The following LDLRAD4 variants were observed in gnomAD, a reference collection of about 807,000 sequenced individuals.
LDLRAD4 encodes the protein low density lipoprotein receptor class A domain containing 4, also known as low-density lipoprotein receptor class A domain-containing protein 4.
In LDLRAD4, 5 loss-of-function variants were observed where a neutral mutation model predicts 17.0. That is an observed-to-expected ratio of 0.29 (90% CI 0.15 to 0.62). LDLRAD4 has a LOEUF of 0.62. Among genes scored for constraint, LDLRAD4 ranks in the 20% least tolerant of loss-of-function variants. LDLRAD4 has a pLI of 0.84. For missense variants in LDLRAD4, 340 were observed against 424.7 expected (o/e 0.80, Z 1.75); for synonymous variants, 168 against 171.8 (o/e 0.98, Z 0.17).
At chr18:13,386,293 T>G (rs1239813226) in intron 1 of LDLRAD4, among the ~76,000 whole-genome samples, 3 of 152,218 alleles carry the variant, frequency 2.0e-5, no homozygotes, top group Non-Finnish European at 2.9e-5. Flanking sequence ...CTTCTGTCAT[T>G]CTTGTTAATA....
chr18:13,433,735 AC>A (rs2090484190), intron 2 of LDLRAD4, among the ~76,000 whole-genome samples: 1 of 152,120 alleles, frequency 6.6e-6, no homozygotes, highest in Admixed American at 6.5e-5. Flanking sequence ...TTCACAGAAA[AC>A]CTTAAGATAT....
intron 2 of LDLRAD4, among the ~76,000 whole-genome samples, chr18:13,396,241 CA>C (rs1429506172): frequency 6.6e-6 from 1 of 150,564 alleles, no homozygotes; most frequent in Non-Finnish European, 1.5e-5. Context: ...TTCCTAGGGG[CA>C]AAAAAAGAAT....
At chr18:13,509,845 C>A (rs1266006929) in intron 3 of LDLRAD4, among the ~76,000 whole-genome samples, 1 of 152,216 alleles carries the variant, frequency 6.6e-6, no homozygotes, top group East Asian at 1.9e-4. Flanking sequence ...CATTCAGCAG[C>A]CGTCAACATT....
intron 2 of LDLRAD4, among the ~76,000 whole-genome samples, chr18:13,405,602 ATTTTTTTT>A (rs540287028): frequency 7.4e-6 from 1 of 135,078 alleles, no homozygotes; most frequent in Non-Finnish European, 1.6e-5. Context: ...GGCTAATTAA[ATTTTTTTT>A]TTTTTTTTTT....
intron 4 of LDLRAD4, among the ~76,000 whole-genome samples, chr18:13,629,133 GTTGTTTTTAT>G (rs2041437896): frequency 1.3e-5 from 2 of 152,132 alleles, no homozygotes; most frequent in Non-Finnish European, 2.9e-5. Context: ...ACCTGACTGG[GTTGTTTTTAT>G]TTGTTTGTTT....
intron 1 of LDLRAD4, among the ~76,000 whole-genome samples, chr18:13,221,932 C>T (rs547693852): frequency 2.4e-4 from 36 of 152,298 alleles, no homozygotes; most frequent in African/African-American, 8.4e-4. Context: ...AAATGGTTGA[C>T]TTTTCTAGAA....
At chr18:13,610,864 A>G (rs1437962300) in intron 3 of LDLRAD4, among the ~76,000 whole-genome samples, 1 of 152,168 alleles carries the variant, frequency 6.6e-6, no homozygotes, top group Non-Finnish European at 1.5e-5. Context: ...GAAGTCAGGG[A>G]AAGTCTGGCA....
intron 2 of LDLRAD4, among the ~76,000 whole-genome samples, chr18:13,388,847 C>T (rs1179473945): frequency 6.6e-6 from 1 of 152,250 alleles, no homozygotes; most frequent in Admixed American, 6.5e-5. Flanking sequence ...TGCAGGCGAC[C>T]TCCTGAGGCA....
intron 3 of LDLRAD4, among the ~76,000 whole-genome samples, chr18:13,607,979 C>T (rs920725774): frequency 2.6e-5 from 4 of 152,104 alleles, no homozygotes; most frequent in Non-Finnish European, 4.4e-5. Context: ...GACTGCTGGG[C>T]CAAATGGTAT....
chr18:13,499,108 C>CT (rs2093557770), intron 3 of LDLRAD4, among the ~76,000 whole-genome samples: 3 of 148,758 alleles, frequency 2.0e-5, no homozygotes, highest in East Asian at 4.1e-4. Context: ...ATCCTTCTCA[C>CT]CACACACGTC....
intron 2 of LDLRAD4, among the ~76,000 whole-genome samples, chr18:13,407,172 G>A (rs1392202643): frequency 6.6e-6 from 1 of 152,142 alleles, no homozygotes; most frequent in East Asian, 1.9e-4. Context: ...GTAAACTTGT[G>A]CATGAGTGTG....
intron 3 of LDLRAD4, among the ~76,000 whole-genome samples, chr18:13,608,248 G>T (rs535813020): frequency 6.6e-6 from 1 of 151,968 alleles, no homozygotes; most frequent in East Asian, 1.9e-4. Context: ...TTAGAACGGC[G>T]ATCACTATTT....
At chr18:13,260,857 T>C (rs2043779762) in intron 1 of LDLRAD4, among the ~76,000 whole-genome samples, 1 of 152,264 alleles carries the variant, frequency 6.6e-6, no homozygotes, top group Non-Finnish European at 1.5e-5. Context: ...GTGGATGCCA[T>C]GGCACCTAGA....
rs1050839225 is a variant in LDLRAD4 at position 13,627,495 on chromosome 18, G to C, written c.336+6224G>C. 2.6e-5 allele frequency among the ~76,000 whole-genome samples: 4 copies of C among 152,162 alleles called. No individual in the cohort carries two copies. The South Asian group carries it at 8.3e-4, about 32-fold the overall frequency. On this transcript the variant is annotated intron_variant, in intron 4 of 5. Transcript: ENST00000359446. ...TTGCACGTGGGGGTTGTTTTTCAGA[G>C]AAAATTTTCTTCTGCACTCAGGCTT...
At chr18:13,624,997 C>G (rs748671146) in intron 4 of LDLRAD4, among the ~76,000 whole-genome samples, 1 of 152,202 alleles carries the variant, frequency 6.6e-6, no homozygotes, top group African/African-American at 2.4e-5. Flanking sequence ...ATGTCCGAGG[C>G]CTTTCTCCTG....
At chr18:13,608,767 G>T (rs771756859) in intron 3 of LDLRAD4, among the ~76,000 whole-genome samples, 2 of 152,170 alleles carry the variant, frequency 1.3e-5, no homozygotes, top group Admixed American at 1.3e-4. Flanking sequence ...ACACAGAAAC[G>T]CTTATCTGTA....
chr18:13,229,037 G>A (rs190107338), intron 1 of LDLRAD4, among the ~76,000 whole-genome samples: 117 of 152,316 alleles, frequency 7.7e-4, no homozygotes, highest in Non-Finnish European at 1.1e-3. Context: ...TTATAGCTGG[G>A]GCACATTTAT....
At chr18:13,608,153 CAT>C (rs754674619) in intron 3 of LDLRAD4, among the ~76,000 whole-genome samples, 14 of 49,428 alleles carry the variant, frequency 2.8e-4, no homozygotes, top group Non-Finnish European at 6.7e-4. Flanking sequence ...AGCCAACAAA[CAT>C]ATGAAAAAAA....
chr18:13,368,841 T>C (rs2084258353), intron 1 of LDLRAD4, among the ~76,000 whole-genome samples: 1 of 152,228 alleles, frequency 6.6e-6, no homozygotes, highest in South Asian at 2.1e-4. Flanking sequence ...TCAAGTCCCA[T>C]CTTTGTTACC....
Sources: allele counts gnomAD v4.1 joint callset (sites outside exome capture counted in the v4.1 genomes callset), GRCh38; gene constraint gnomAD v4.1.1; transcripts MANE v1.5; gene names NCBI Gene and HGNC (gene_info 2026-07-23, HGNC 2026-07-21).